Variants in UBL3 observed in about 807,000 individuals in gnomAD.
The protein encoded by UBL3 is ubiquitin-like protein 3.
UBL3 carries 6 observed loss-of-function variants against 18.4 expected under a neutral mutation model. The observed-to-expected ratio is 0.33, with a 90% CI of 0.18 to 0.64. The LOEUF (loss-of-function observed/expected upper bound fraction) is 0.64, where lower values mean the gene tolerates loss of function less well. UBL3 is among the 30% of genes least tolerant of loss of function. UBL3 has a pLI of 0.76. For missense variants in UBL3, 109 were observed against 142.9 expected (o/e 0.76, Z 1.21); for synonymous variants, 49 against 46.6 (o/e 1.05, Z -0.21).
intron 1 of UBL3, among the ~76,000 whole-genome samples, chr13:29,843,734 G>A (rs1879163678): frequency 6.6e-6 from 1 of 152,188 alleles, no homozygotes; most frequent in Admixed American, 6.5e-5. Context: ...TTGTAAGGAA[G>A]ATTTTCAACA....
At chr13:29,826,849 G>A (rs1878634171) in intron 1 of UBL3, among the ~76,000 whole-genome samples, 1 of 152,172 alleles carries the variant, frequency 6.6e-6, no homozygotes, top group South Asian at 2.1e-4. Context: ...TCTACACACT[G>A]CTTTAAATGT....
rs921571652 is a variant in UBL3, at chr13:29,791,602, G to A, written c.28-14339C>T. ...AATGACTTTCTGATTGTTCTTGTTC[G>A]GTTCTGAGGTCACCTTTGAAGCCTA... On this transcript the variant is annotated intron_variant, in intron 1 of 4. Transcript: ENST00000380680. 2.6e-5 allele frequency among the ~76,000 whole-genome samples: 4 copies of A among 152,000 alleles called. No individual in the cohort carries two copies. In the South Asian group the frequency reaches 8.3e-4, roughly 32 times the overall value.
In UBL3 at chr13:29,791,252, T is replaced by G. The variant is rs1327989150; in HGVS notation, c.28-13989A>C. ...TCTCTCTGTCAGTTTCTCAGCCCAA[T>G]CCATCCTGTACTCTCAAAAACATTC... On this transcript the variant is annotated intron_variant, in intron 1 of 4. Transcript: ENST00000380680. 1.3e-5 allele frequency among the ~76,000 whole-genome samples: 2 copies of G among 152,182 alleles called. 1 individual carries two copies. Among genetic ancestry groups the G allele is most frequent in the East Asian group, 3.9e-4 (2 of 5,192 alleles).
intron 1 of UBL3, among the ~76,000 whole-genome samples, chr13:29,834,990 T>C (rs1452314176): frequency 6.7e-6 from 1 of 149,838 alleles, no homozygotes; most frequent in African/African-American, 2.5e-5. Flanking sequence ...TAAGCGATCA[T>C]CTTACTCCTT....
intron 1 of UBL3, among the ~76,000 whole-genome samples, chr13:29,831,593 G>GAAA (rs375371538): frequency 1.6e-5 from 1 of 61,384 alleles, no homozygotes; most frequent in African/African-American, 5.7e-5. Flanking sequence ...CGTCTCAAAA[G>GAAA]AAAAAAAAAA....
chr13:29,849,563 T>A lies in UBL3; in HGVS notation c.-25A>T. On this transcript the variant is annotated 5_prime_UTR_variant, in exon 1 of 5. Coordinates refer to ENST00000380680, the MANE Select transcript of UBL3 (RefSeq NM_007106.4). ...TCTTGCCGTTTGATATACACCCAGATGTTTACGAAAAAAACAAACAAAGAA... is the reference window on the plus strand; with the variant it reads ...TCTTGCCGTTTGATATACACCCAGAAGTTTACGAAAAAAACAAACAAAGAA... The A allele has an allele frequency of 1.9e-6, 3 of 1,613,550 alleles. No homozygotes were observed. Among genetic ancestry groups the A allele is most frequent in the Non-Finnish European group, 2.5e-6 (3 of 1,180,006 alleles).
intron 1 of UBL3, among the ~76,000 whole-genome samples, chr13:29,783,013 C>T: frequency 6.6e-6 from 1 of 152,160 alleles, no homozygotes; most frequent in East Asian, 1.9e-4. Context: ...TTTTAAGATG[C>T]AACTGAAAGT....
chr13:29,801,120 G>A (rs896093180), intron 1 of UBL3, among the ~76,000 whole-genome samples: 1 of 152,136 alleles, frequency 6.6e-6, no homozygotes, highest in Non-Finnish European at 1.5e-5. Flanking sequence ...AGATGCAGGG[G>A]TACTGCCCTT....
intron 1 of UBL3, among the ~76,000 whole-genome samples, chr13:29,794,558 T>C (rs1456000967): frequency 2.0e-5 from 3 of 152,224 alleles, no homozygotes; most frequent in Non-Finnish European, 4.4e-5. Flanking sequence ...TAATCACAAC[T>C]ATTTTTATAG....
chr13:29,843,452 T>C (rs1879156130), intron 1 of UBL3, among the ~76,000 whole-genome samples: 1 of 152,188 alleles, frequency 6.6e-6, no homozygotes, highest in South Asian at 2.1e-4. Flanking sequence ...AAGTTCAATG[T>C]ATTTTGCACT....
At chr13:29,835,107 A>AATATATATAT (rs777840058) in intron 1 of UBL3, among the ~76,000 whole-genome samples, 1 of 23,796 alleles carries the variant, frequency 4.2e-5, no homozygotes, top group Non-Finnish European at 7.1e-5. Flanking sequence ...TATATATATA[A>AATATATATAT]ATATATATAT....
rs1879314459 is a variant in UBL3, at chr13:29,849,534, G to C, written c.5C>G (p.Ser2Cys). The C allele has an allele frequency of 6.2e-7, 1 of 1,613,938 alleles. No homozygotes were observed. The highest frequency in any genetic ancestry group is 8.5e-7 in the Non-Finnish European group (1 of 1,180,018). The change falls in exon 1 of 5, where the codon TCC becomes TGC. Residue 2 changes from serine (S) to cysteine (C), a missense_variant. By Grantham distance (112) the Ser-to-Cys change is moderately radical (BLOSUM62 -1). Transcript: ENST00000380680. M[S>C]SNVPADMINL... ...TACCATATCCGCCGGGACATTACTG[G>C]ACATCTTGCCGTTTGATATACACCC...
At chr13:29,820,544 G>A (rs975121974) in intron 1 of UBL3, among the ~76,000 whole-genome samples, 1 of 152,064 alleles carries the variant, frequency 6.6e-6, no homozygotes, top group Non-Finnish European at 1.5e-5. Flanking sequence ...CAGATTCCTT[G>A]CGATCCTGGA....
At chr13:29,840,594 T>C (rs1352211142) in intron 1 of UBL3, among the ~76,000 whole-genome samples, 2 of 152,140 alleles carry the variant, frequency 1.3e-5, no homozygotes, top group Non-Finnish European at 2.9e-5. Context: ...GCATATACCA[T>C]TTGAGTAATG....
chr13:29,839,280 A>G (rs1393814671), intron 1 of UBL3, among the ~76,000 whole-genome samples: 1 of 152,248 alleles, frequency 6.6e-6, no homozygotes, highest in Non-Finnish European at 1.5e-5. Flanking sequence ...AAATCATAGA[A>G]TGATTCCAGA....
chr13:29,780,436 A>G (rs982195881), intron 1 of UBL3, among the ~76,000 whole-genome samples: 1 of 146,070 alleles, frequency 6.8e-6, no homozygotes, highest in East Asian at 2.0e-4. Context: ...ATATATATAT[A>G]TATAGCAAAT....
At chr13:29,828,733 T>A (rs1190692825) in intron 1 of UBL3, among the ~76,000 whole-genome samples, 4 of 152,236 alleles carry the variant, frequency 2.6e-5, no homozygotes, top group Admixed American at 1.3e-4. Context: ...CTGCATTGTT[T>A]GGAGGGAAAC....
intron 1 of UBL3, among the ~76,000 whole-genome samples, chr13:29,794,930 T>C (rs1486817362): frequency 1.3e-5 from 2 of 152,226 alleles, no homozygotes; most frequent in Non-Finnish European, 1.5e-5. Flanking sequence ...AAGAATTAAA[T>C]GCATGCATAA....
intron 1 of UBL3, among the ~76,000 whole-genome samples, chr13:29,802,076 C>G (rs1877785846): frequency 1.3e-5 from 2 of 152,188 alleles, no homozygotes; most frequent in Admixed American, 1.3e-4. Context: ...AGAGGAAGCA[C>G]AGCTGCAGTG....
Sources: gnomAD v4.1 joint callset for allele counts (sites outside exome capture counted in the v4.1 genomes callset) on GRCh38, gnomAD v4.1.1 for gene constraint, MANE v1.5 for transcripts, NCBI Gene and HGNC (gene_info 2026-07-23, HGNC 2026-07-21) for gene names.